GNB1L: variants seen among roughly 807,000 people sequenced by gnomAD.
GNB1L encodes the protein G protein subunit beta 1 like.
GNB1L carries 20 observed loss-of-function variants against 29.1 expected under a neutral mutation model. The observed-to-expected ratio is 0.69, with a 90% CI of 0.48 to 1.00. GNB1L has a LOEUF of 1.00. Ranked by LOEUF, GNB1L falls within the 50% of genes least tolerant of loss-of-function variation. GNB1L has a pLI of 0.00. For missense variants in GNB1L, 421 were observed against 464.9 expected, an observed-to-expected ratio of 0.91 and a Z score of 0.87; for synonymous variants, 193 against 206.5, an observed-to-expected ratio of 0.93 and a Z score of 0.56.
chr22:19,818,222 C>T (rs1269687189), intron 4 of GNB1L, among the ~76,000 whole-genome samples: 3 of 152,238 alleles, frequency 2.0e-5, no homozygotes, highest in East Asian at 3.8e-4. Context: ...GCTCCCAGAC[C>T]GCCCACCAGG....
At chr22:19,807,036 A>G (rs1169786005) in intron 5 of GNB1L, among the ~76,000 whole-genome samples, 4 of 152,184 alleles carry the variant, frequency 2.6e-5, no homozygotes, top group African/African-American at 4.8e-5. Context: ...GACAGAGCCC[A>G]CCGATTCTCT....
chr22:19,853,696 T>A (rs949483192), intron 2 of GNB1L, among the ~76,000 whole-genome samples: 1 of 151,470 alleles, frequency 6.6e-6, no homozygotes. Flanking sequence ...CACTCTGGAA[T>A]CCCTCAGGTC....
chr22:19,825,450 C>A (rs8138689), intron 2 of GNB1L, among the ~76,000 whole-genome samples: 1 of 149,772 alleles, frequency 6.7e-6, no homozygotes, highest in African/African-American at 2.5e-5. Flanking sequence ...GGAGACCTTG[C>A]CTTTACAAAA....
intron 5 of GNB1L, among the ~76,000 whole-genome samples, chr22:19,810,696 CG>C (rs1024682050): frequency 1.3e-5 from 2 of 152,050 alleles, no homozygotes; most frequent in African/African-American, 4.8e-5. Flanking sequence ...GCCACCCAGC[CG>C]GCCGAGTGGG....
intron 5 of GNB1L, among the ~76,000 whole-genome samples, chr22:19,810,291 A>G (rs905359267): frequency 1.3e-5 from 2 of 152,148 alleles, no homozygotes; most frequent in African/African-American, 4.8e-5. Flanking sequence ...GGCCTGTCTC[A>G]ATTTGGGCTC....
At chr22:19,808,781 C>T (rs1031377136) in intron 5 of GNB1L, among the ~76,000 whole-genome samples, 3 of 152,196 alleles carry the variant, frequency 2.0e-5, no homozygotes, top group Non-Finnish European at 2.9e-5. Context: ...GGCACCAGGG[C>T]GGCCTGCAAG....
At chr22:19,823,527 G>C (rs1937595226) in intron 2 of GNB1L, among the ~76,000 whole-genome samples, 1 of 152,176 alleles carries the variant, frequency 6.6e-6, no homozygotes, top group Non-Finnish European at 1.5e-5. Context: ...CCAGCTCCAA[G>C]AGGAGCCAAA....
chr22:19,850,184 G>A (rs1938061055), intron 2 of GNB1L: 1 of 985,686 alleles, frequency 1.0e-6, no homozygotes, highest in South Asian at 4.7e-5. Context: ...CTCTGCTCCT[G>A]ACAGAATGGG....
chr22:19,798,839 G>A (rs911803055), intron 7 of GNB1L, among the ~76,000 whole-genome samples: 2 of 152,248 alleles, frequency 1.3e-5, no homozygotes, highest in Non-Finnish European at 2.9e-5. Context: ...CTCCAGCCCT[G>A]TGTTCCTGAA....
chr22:19,802,237 G>A, intron 6 of GNB1L, 21 bp from the exon 7 acceptor site: 1 of 1,601,860 alleles, frequency 6.2e-7, no homozygotes, highest in Non-Finnish European at 8.5e-7. Flanking sequence ...CAGCAGAGCA[G>A]TCAGCTCCTG....
At chr22:19,827,659 T>C (rs1380138699) in intron 2 of GNB1L, among the ~76,000 whole-genome samples, 1 of 152,220 alleles carries the variant, frequency 6.6e-6, no homozygotes, top group African/African-American at 2.4e-5. Flanking sequence ...AATTACACTC[T>C]CAGCAGATTA....
intron 2 of GNB1L, chr22:19,851,730 C>T (rs755909468): frequency 2.5e-6 from 4 of 1,606,162 alleles, no homozygotes; most frequent in Admixed American, 1.7e-5. Flanking sequence ...TCTTGAACAA[C>T]TTCCTTGAGA....
intron 2 of GNB1L, among the ~76,000 whole-genome samples, chr22:19,824,095 G>A (rs763283604): frequency 1.2e-4 from 18 of 152,232 alleles, no homozygotes; most frequent in African/African-American, 3.1e-4. Context: ...GAACAAACCC[G>A]TCACGTTGTT....
At chr22:19,821,442 G>C in intron 2 of GNB1L, 67 bp from the exon 3 acceptor site, 1 of 1,457,120 alleles carries the variant, frequency 6.9e-7, no homozygotes. Flanking sequence ...AGGCTGCTCA[G>C]GCACAGGGGT....
intron 2 of GNB1L, chr22:19,848,103 A>G (rs1938008885): frequency 5.1e-6 from 5 of 985,158 alleles, no homozygotes; most frequent in Non-Finnish European, 6.0e-6. Context: ...AAATATTCCA[A>G]TATCCCATAG....
At chr22:19,844,629 CG>C (rs1412536435) in intron 2 of GNB1L, among the ~76,000 whole-genome samples, 1 of 152,124 alleles carries the variant, frequency 6.6e-6, no homozygotes, top group Non-Finnish European at 1.5e-5. Flanking sequence ...GATGGGCAGG[CG>C]GGGTCTCTCT....
At chr22:19,822,342 C>T (rs575985255) in intron 2 of GNB1L, among the ~76,000 whole-genome samples, 2 of 152,214 alleles carry the variant, frequency 1.3e-5, no homozygotes, top group Non-Finnish European at 2.9e-5. Flanking sequence ...GACCACTGGG[C>T]CTGTGGGGGA....
chr22:19,844,768 C>T (rs1206317103), intron 2 of GNB1L, among the ~76,000 whole-genome samples: 3 of 152,222 alleles, frequency 2.0e-5, no homozygotes, highest in Non-Finnish European at 2.9e-5. Context: ...CAGGCACTTA[C>T]GGGCAGAGGC....
chr22:19,793,231 C>A, intron 7 of GNB1L: 1 of 587,450 alleles, frequency 1.7e-6, no homozygotes, highest in Non-Finnish European at 3.0e-6. Context: ...GAACTCTTAG[C>A]AGAGAAATGG....
Sources: gnomAD v4.1 joint callset for allele counts (sites outside exome capture counted in the v4.1 genomes callset) on GRCh38, gnomAD v4.1.1 for gene constraint, MANE v1.5 for transcripts, NCBI Gene and HGNC (gene_info 2026-07-23, HGNC 2026-07-21) for gene names.